TMEM145: variants seen among roughly 807,000 people sequenced by gnomAD.
The protein encoded by TMEM145 is transmembrane protein 145.
A neutral mutation model predicts 68.5 loss-of-function variants in TMEM145; 46 were observed. The observed-to-expected ratio is 0.67, with a 90% CI of 0.53 to 0.86. The LOEUF (loss-of-function observed/expected upper bound fraction) is 0.86. Ranked by LOEUF, TMEM145 falls within the 40% of genes least tolerant of loss-of-function variation. TMEM145 has a pLI of 0.00. For missense variants in TMEM145, 570 were observed against 645.8 expected, an observed-to-expected ratio of 0.88 and a Z score of 1.27; for synonymous variants, 255 against 280.2, an observed-to-expected ratio of 0.91 and a Z score of 0.90.
In TMEM145 at chr19:42,313,392, G is replaced by A. The variant is rs1414161978; in HGVS notation, c.16G>A (p.Ala6Thr). The change falls in exon 1 of 15, where the codon GCG (alanine) becomes ACG (threonine). Residue 6 changes from alanine to threonine, a missense_variant. Ala to Thr is a moderately conservative substitution (Grantham distance 58). Coordinates refer to ENST00000301204, the MANE Select transcript of TMEM145 (RefSeq NM_173633.3). The surrounding 1 kb of genome is among the most constrained non-coding windows in gnomAD (Gnocchi z 5.1). ...AGCGGGCGGAATGGAGCCCCTGCGC[G>A]CGCCCGCGCTGCGCCGCCTGCTGCC... MEPLR[A>T]PALRRLLPPL... is the part of the protein sequence containing the mutation. The A allele has an allele frequency of 5.8e-5, 75 of 1,302,440 alleles. No individual in the cohort carries two copies. Among genetic ancestry groups the A allele is most frequent in the South Asian group, 6.2e-5 (3 of 48,018 alleles). 80.7% of individuals were successfully genotyped at this position (1,302,440 alleles called of 1,614,324 possible).
chr19:42,315,278 G>C lies in TMEM145; in HGVS notation c.577+19G>C. ...TTTGGATGTGAGTCTGGCACATGGG[G>C]TGTGGGGGAAGAGATAGGAGGGAGC... On this transcript the variant is annotated intron_variant, in intron 7 of 14. Transcript: ENST00000301204. 1 of 1,612,520 alleles carries C rather than the reference G, an allele frequency of 6.2e-7. No individual in the cohort carries two copies. Among genetic ancestry groups the C allele is most frequent in the Non-Finnish European group, 8.5e-7 (1 of 1,178,758 alleles).
At chr19:42,324,354 C>T (rs1325391882) in intron 14 of TMEM145, 1 of 985,296 alleles carries the variant, frequency 1.0e-6, no homozygotes, top group Non-Finnish European at 1.2e-6. Flanking sequence ...ATGGCCGAGC[C>T]GGGCGCAGCC....
intron 13 of TMEM145, chr19:42,321,310 C>T (rs1184603151): frequency 1.0e-5 from 4 of 392,226 alleles, no homozygotes; most frequent in Non-Finnish European, 1.8e-5. Flanking sequence ...CTGCAACCTC[C>T]ACCTCCCAGG....
intron 8 of TMEM145, among the ~76,000 whole-genome samples, chr19:42,316,275 T>G (rs1462073180): frequency 0.11 from 1,617 of 14,970 alleles, no homozygotes; most frequent in South Asian, 0.12. Flanking sequence ...TCTGAGGGGG[T>G]AGGGGGTGGG....
chr19:42,315,956 G>T (rs1261079061), intron 8 of TMEM145, among the ~76,000 whole-genome samples: 1 of 152,118 alleles, frequency 6.6e-6, no homozygotes, highest in Admixed American at 6.5e-5. Context: ...CTTGAACCCG[G>T]GAGGTGGAGA....
intron 1 of TMEM145, 34 bp from the exon 2 acceptor site, chr19:42,314,238 C>T (rs775143209): frequency 2.0e-5 from 33 of 1,612,204 alleles, no homozygotes; most frequent in South Asian, 3.3e-5. Context: ...TCTTGAAGGA[C>T]TCAGCGGAGG....
At chr19:42,323,450 C>T (rs183840719) in intron 13 of TMEM145, 133 bp from the exon 14 acceptor site, 4 of 839,958 alleles carry the variant, frequency 4.8e-6, no homozygotes, top group African/African-American at 1.7e-5. Context: ...GAGGGGACGC[C>T]TAATCCAGTG....
intron 14 of TMEM145, chr19:42,324,501 C>T: frequency 3.0e-6 from 3 of 985,414 alleles, no homozygotes; most frequent in Non-Finnish European, 3.6e-6. Context: ...ATGCACACGG[C>T]CGGGGGCACT....
intron 4 of TMEM145, 25 bp downstream of exon 4, chr19:42,314,724 G>A (rs1361450343): frequency 6.2e-7 from 1 of 1,614,180 alleles, no homozygotes; most frequent in East Asian, 2.2e-5. Context: ...TGGGGGAGTG[G>A]GCAGGTGCTG....
rs1253702394 is a variant in TMEM145 at position 42,324,968 on chromosome 19, C to T, written c.*151C>T. On this transcript the variant is annotated 3_prime_UTR_variant, in exon 15 of 15. Coordinates refer to ENST00000301204, the MANE Select transcript of TMEM145 (RefSeq NM_173633.3). ...TGACCTCGGACCCGTACTCCATCTG[C>T]CGCATCTCCATTCCGGGGGCCTTCC... is the stretch of plus-strand genomic sequence containing the variant. 16 of 1,219,490 alleles carry T rather than the reference C, an allele frequency of 1.3e-5. 1 individual carries two copies. The African/African-American group carries it at 2.0e-4, about 16-fold the overall frequency. 75.5% of individuals were successfully genotyped at this position (1,219,490 alleles called of 1,614,324 possible). A position where few individuals can be genotyped will look rare whatever the true frequency, so the allele number is the denominator to read the frequency against.
intron 5 of TMEM145, 67 bp downstream of exon 5, chr19:42,314,918 G>T: frequency 6.2e-7 from 1 of 1,613,932 alleles, no homozygotes; most frequent in African/African-American, 1.3e-5. Flanking sequence ...TGGCCACCTG[G>T]ACCACCTTCT....
In TMEM145 at chr19:42,316,870, G is replaced by A; in HGVS notation, c.807G>A (p.Arg269=). ...ILLGKGFTVT[R]GRISHAGSVK... ...GTCTCCCCTCATGGCCTGCTGCCAGGGGCCGCATCAGCCACGCGGGCTCCG... is the reference window on the plus strand; with the variant it reads ...GTCTCCCCTCATGGCCTGCTGCCAGAGGCCGCATCAGCCACGCGGGCTCCG... Residue 269 remains arginine, a splice_region_variant and synonymous_variant, in exon 11 of 15, where the codon CGG becomes CGA. Coordinates refer to ENST00000301204, the MANE Select transcript of TMEM145 (RefSeq NM_173633.3). The A allele has an allele frequency of 6.2e-7, 1 of 1,613,280 alleles. No homozygotes were observed. The highest frequency in any genetic ancestry group is 8.5e-7 in the Non-Finnish European group (1 of 1,179,900).
intron 8 of TMEM145, among the ~76,000 whole-genome samples, chr19:42,315,922 C>T (rs1021948611): frequency 1.3e-5 from 2 of 152,100 alleles, no homozygotes; most frequent in Non-Finnish European, 2.9e-5. Context: ...CCCAGCTACT[C>T]AGGAGGCTGA....
At chr19:42,317,144 A>G (rs2038867436) in intron 11 of TMEM145, among the ~76,000 whole-genome samples, 181 bp downstream of exon 11, 1 of 152,102 alleles carries the variant, frequency 6.6e-6, no homozygotes, top group Non-Finnish European at 1.5e-5. Context: ...ACCATCCCGC[A>G]GCAGCTTTCT....
At chr19:42,314,406 C>G in intron 2 of TMEM145, 45 bp from the exon 3 acceptor site, 3 of 1,613,834 alleles carry the variant, frequency 1.9e-6, no homozygotes, top group Non-Finnish European at 2.5e-6. Flanking sequence ...CCTCCAAAGG[C>G]ACAGGCTGCC....
At chr19:42,319,757 C>CTTTTT (rs111353949) in intron 12 of TMEM145, among the ~76,000 whole-genome samples, 2 of 102,588 alleles carry the variant, frequency 1.9e-5, no homozygotes, top group Admixed American at 1.0e-4. Flanking sequence ...CTGATTTCTT[C>CTTTTT]TTTTTTTTTT....
intron 8 of TMEM145, 79 bp from the exon 9 acceptor site, chr19:42,316,402 G>T: frequency 7.3e-7 from 1 of 1,374,286 alleles, no homozygotes; most frequent in Non-Finnish European, 1.0e-6. Flanking sequence ...GATTCAGACT[G>T]CCTGGATGGT....
At position 42,316,866 on chromosome 19, in the gene TMEM145, C is replaced by A. The variant is rs963527421; in HGVS notation, c.807-4C>A. 1 of 1,612,958 alleles carries A rather than the reference C, an allele frequency of 6.2e-7. No homozygotes were observed. Among genetic ancestry groups the A allele is most frequent in the East Asian group, 2.2e-5 (1 of 44,888 alleles). ...TGCTGTCTCCCCTCATGGCCTGCTGCCAGGGGCCGCATCAGCCACGCGGGC... is the reference window on the plus strand; with the variant it reads ...TGCTGTCTCCCCTCATGGCCTGCTGACAGGGGCCGCATCAGCCACGCGGGC... On this transcript the variant is annotated splice_region_variant and splice_polypyrimidine_tract_variant and intron_variant, in intron 10 of 14. Coordinates refer to ENST00000301204, the MANE Select transcript of TMEM145 (RefSeq NM_173633.3).
At chr19:42,316,583 G>A in intron 9 of TMEM145, 22 bp downstream of exon 9, 2 of 1,613,802 alleles carry the variant, frequency 1.2e-6, no homozygotes, top group Non-Finnish European at 1.7e-6. Flanking sequence ...GCTGGGTGGG[G>A]AGAGGGTGGA....
Sources: allele counts gnomAD v4.1 joint callset (sites outside exome capture counted in the v4.1 genomes callset), GRCh38; gene constraint gnomAD v4.1.1; non-coding constraint Gnocchi (gnomAD v3.1); transcripts MANE v1.5; gene names NCBI Gene and HGNC (gene_info 2026-07-23, HGNC 2026-07-21).